Variants in NAPG observed in about 807,000 individuals in gnomAD.
NAPG encodes the protein NSF attachment protein gamma.
A neutral mutation model predicts 48.4 loss-of-function variants in NAPG; 25 were observed. The ratio of observed to expected loss-of-function variants is 0.52; its 90% CI spans 0.38 to 0.72. NAPG has a LOEUF of 0.72. Ranked by LOEUF, NAPG falls within the 30% of genes least tolerant of loss-of-function variation. The probability of loss-of-function intolerance (pLI) is 0.00; values close to 1 mark genes in which losing one functional copy is unlikely to be tolerated. For synonymous variants in NAPG, 139 were observed against 127.2 expected (o/e 1.09, Z -0.62); for missense variants, 359 against 372.5 (o/e 0.96, Z 0.30).
chr18:10,533,302 C>T (rs944524049), intron 3 of NAPG: 6 of 395,258 alleles, frequency 1.5e-5, no homozygotes, highest in East Asian at 7.8e-5. Flanking sequence ...CAGATTATTG[C>T]GTAATAGAAA....
At chr18:10,529,947 C>T (rs1466158355) in intron 1 of NAPG, among the ~76,000 whole-genome samples, 1 of 152,118 alleles carries the variant, frequency 6.6e-6, no homozygotes, top group Non-Finnish European at 1.5e-5. Context: ...ATGGTTTGGG[C>T]AATTTCTATG....
rs894019561 is a variant in NAPG at position 10,550,801 on chromosome 18, A to G, written c.*581A>G. 2.6e-5 allele frequency: 4 copies of G among 152,236 alleles called. No homozygotes were observed. The highest frequency in any genetic ancestry group is 9.7e-5 in the African/African-American group (4 of 41,430). The allele number at this position is 152,236 out of a possible 1,614,324, so 9.4% of individuals were successfully genotyped here. A position where few individuals can be genotyped will look rare whatever the true frequency, so the allele number is the denominator to read the frequency against. On this transcript the variant is annotated 3_prime_UTR_variant, in exon 12 of 12. Coordinates refer to ENST00000322897, the MANE Select transcript of NAPG (RefSeq NM_003826.3). ...CAATAAAAGATGCATTGAAGCTCTT[A>G]TATATTATGAGTTTGAAAAATTTTG...
At chr18:10,527,187 CAAAAAAAA>C (rs775618160) in intron 1 of NAPG, among the ~76,000 whole-genome samples, 10 of 105,550 alleles carry the variant, frequency 9.5e-5, no homozygotes, top group Admixed American at 7.1e-4. Flanking sequence ...GACTCCGTCT[CAAAAAAAA>C]AAAAAAAAAA....
At chr18:10,528,942 T>C (rs1364762814) in intron 1 of NAPG, among the ~76,000 whole-genome samples, 1 of 152,220 alleles carries the variant, frequency 6.6e-6, no homozygotes, top group Non-Finnish European at 1.5e-5. Flanking sequence ...ATTTTGTAAA[T>C]TGATCCCCAC....
At chr18:10,541,955 C>T (rs2032166389) in intron 8 of NAPG, among the ~76,000 whole-genome samples, 1 of 152,168 alleles carries the variant, frequency 6.6e-6, no homozygotes, top group South Asian at 2.1e-4. Flanking sequence ...AGATGAGGAA[C>T]GTTTTCCAGC....
chr18:10,526,049 C>T lies in NAPG; in HGVS notation c.-54C>T. The T allele has an allele frequency of 6.4e-7, 1 of 1,558,580 alleles. No homozygotes were observed. Among genetic ancestry groups the T allele is most frequent in the Non-Finnish European group, 8.8e-7 (1 of 1,131,064 alleles). ...CGCCTATTTGGGCGGATTCTTGGCG[C>T]CGGAGGAAGAGGCAGGGTCACCCTC... On this transcript the variant is annotated 5_prime_UTR_variant, in exon 1 of 12. Coordinates refer to ENST00000322897, the MANE Select transcript of NAPG (RefSeq NM_003826.3).
intron 5 of NAPG, among the ~76,000 whole-genome samples, chr18:10,538,733 T>C (rs1436740874): frequency 6.6e-6 from 1 of 152,222 alleles, no homozygotes; most frequent in East Asian, 1.9e-4. Flanking sequence ...AGCATTTCAT[T>C]TTAAATATCT....
intron 4 of NAPG, 35 bp downstream of exon 4, chr18:10,533,588 T>G (rs1012432664): frequency 2.5e-6 from 4 of 1,572,126 alleles, no homozygotes; most frequent in Non-Finnish European, 3.5e-6. Flanking sequence ...TATTTGCAAA[T>G]TATGTTTTAA....
rs891783041 is a variant in NAPG at position 10,527,566 on chromosome 18, CTG to C, written c.56+1411_56+1412del. 3.3e-5 allele frequency among the ~76,000 whole-genome samples: 5 copies of C among 152,176 alleles called. No homozygotes were observed. In the East Asian group the frequency reaches 5.8e-4, roughly 18 times the overall value. ...AGGGACCACAAAAAAGCTGTATTAA[CTG>C]TGCATAGGTAACCCAGAGGGAGAAG... On this transcript the variant is annotated intron_variant, in intron 1 of 11. Transcript: ENST00000322897.
At position 10,546,859 on chromosome 18, in the gene NAPG, C is replaced by T. The variant is rs1266770418; in HGVS notation, c.585+455C>T. On this transcript the variant is annotated intron_variant, in intron 9 of 11. Transcript: ENST00000322897. The surrounding 1 kb of genome is among the most constrained non-coding windows in gnomAD (Gnocchi z 4.0). ...ATGGGAGAAGAGGTCCCATTGTTTT[C>T]CTCTCCTTTGGCTTTGCTCCAAGCT... is the stretch of plus-strand genomic sequence containing the variant. 6.6e-6 allele frequency among the ~76,000 whole-genome samples: 1 copy of T among 152,212 alleles called. No homozygotes were observed. Among genetic ancestry groups the T allele is most frequent in the African/African-American group, 2.4e-5 (1 of 41,456 alleles).
intron 3 of NAPG, chr18:10,533,181 AAGT>A (rs1567888729): frequency 3.9e-6 from 1 of 258,026 alleles, no homozygotes; most frequent in Non-Finnish European, 7.3e-6. Context: ...TAAAAATTAT[AAGT>A]AGTTTAAAAC....
chr18:10,542,227 GT>G lies in NAPG; in HGVS notation c.506+1840del, dbSNP rs565825734. 0.01 allele frequency among the ~76,000 whole-genome samples: 1,502 copies of G among 144,886 alleles called. 13 individuals carry two copies. Among genetic ancestry groups the G allele is most frequent in the African/African-American group, 0.026 (1,020 of 39,888 alleles). ...TTTTATTCGTGACTTTGTTTTATTG[GT>G]TTTTTTTTTTTCTTTTTAGGAAAAA... On this transcript the variant is annotated intron_variant, in intron 8 of 11. Transcript: ENST00000322897. This position sits in a 1 kb window ranked among gnomAD's most constrained non-coding sequence, Gnocchi z 4.5.
rs1399388141 is a variant in NAPG, at chr18:10,526,286, C to T, written c.56+128C>T. On this transcript the variant is annotated intron_variant, in intron 1 of 11. Coordinates refer to ENST00000322897, the MANE Select transcript of NAPG (RefSeq NM_003826.3). ...AGGGGCCTCGGCGCGCTGGTGCCCG[C>T]AGGGCTGCCGGGGCTCGGTGTCCTC... is the stretch of plus-strand genomic sequence containing the variant. 22 of 718,036 alleles carry T rather than the reference C, an allele frequency of 3.1e-5. No individual in the cohort carries two copies. The East Asian group carries it at 8.2e-4, about 27-fold the overall frequency. The allele number at this position is 718,036 out of a possible 1,614,324, so 44.5% of individuals were successfully genotyped here. A position where few individuals can be genotyped will look rare whatever the true frequency, so the allele number is the denominator to read the frequency against.
intron 9 of NAPG, among the ~76,000 whole-genome samples, chr18:10,547,362 A>T (rs1397377710): frequency 6.6e-6 from 1 of 152,192 alleles, no homozygotes; most frequent in Non-Finnish European, 1.5e-5. Context: ...ACAATCCAGA[A>T]TTACTCAACA....
Position 10,545,073 on chromosome 18 carries a change from G to A in NAPG, c.507-1253G>A, listed in dbSNP as rs190730375. ...ACGTCTATAATCCCAGCACTTTGGG[G>A]GGCTGAGGCAGGTGGATCCCCTGAG... On this transcript the variant is annotated intron_variant, in intron 8 of 11. Coordinates refer to ENST00000322897, the MANE Select transcript of NAPG (RefSeq NM_003826.3). Among the ~76,000 whole-genome samples the A allele has an allele frequency of 6.5e-3, 996 of 152,172 alleles. 5 individuals are homozygous for A. The highest frequency in any genetic ancestry group is 0.022 in the African/African-American group (921 of 41,524).
At chr18:10,532,883 T>C in intron 3 of NAPG, 88 bp downstream of exon 3, 1 of 1,071,614 alleles carries the variant, frequency 9.3e-7, no homozygotes, top group Non-Finnish European at 1.3e-6. Flanking sequence ...CTTTACTACC[T>C]GTGAAGTAAA....
chr18:10,530,719 A>G, intron 1 of NAPG, 51 bp from the exon 2 acceptor site: 1 of 1,207,862 alleles, frequency 8.3e-7, no homozygotes, highest in Non-Finnish European at 1.1e-6. Flanking sequence ...CAGAGATCTG[A>G]CTTATAAATG....
intron 8 of NAPG, among the ~76,000 whole-genome samples, chr18:10,541,910 A>G (rs554260971): frequency 6.6e-6 from 1 of 152,328 alleles, no homozygotes; most frequent in African/African-American, 2.4e-5. Context: ...GAGTAGCAGG[A>G]AAGGAGAGAG....
At chr18:10,545,402 C>T (rs2032242112) in intron 8 of NAPG, among the ~76,000 whole-genome samples, 1 of 152,220 alleles carries the variant, frequency 6.6e-6, no homozygotes, top group African/African-American at 2.4e-5. Context: ...TACCACTTAC[C>T]TCCCTTTGAA....
Sources: gnomAD v4.1 joint callset for allele counts (sites outside exome capture counted in the v4.1 genomes callset) on GRCh38, gnomAD v4.1.1 for gene constraint, Gnocchi (gnomAD v3.1) non-coding constraint, MANE v1.5 for transcripts, NCBI Gene and HGNC (gene_info 2026-07-23, HGNC 2026-07-21) for gene names.